Variants in ATP11C observed in about 807,000 individuals in gnomAD.
ATP11C encodes phospholipid-transporting ATPase IG.
A neutral mutation model predicts 97.4 loss-of-function variants in ATP11C; 36 were observed. The ratio of observed to expected loss-of-function variants is 0.37; its 90% CI spans 0.28 to 0.49. The LOEUF (loss-of-function observed/expected upper bound fraction) is 0.49. ATP11C is among the 20% of genes least tolerant of loss of function. ATP11C has a pLI of 0.98. For missense variants in ATP11C, 730 were observed against 824.6 expected (o/e 0.89, Z 1.40); for synonymous variants, 275 against 290.9 (o/e 0.95, Z 0.56).
Position 139,787,210 on chromosome X carries a change from A to T in ATP11C, c.1555T>A (p.Tyr519Asn), listed in dbSNP as rs776955107. 1.1e-5 allele frequency: 13 copies of T among 1,188,543 alleles called. No homozygotes were observed. Among genetic ancestry groups the T allele is most frequent in the South Asian group, 1.8e-5 (1 of 55,909 alleles). The change falls in exon 15 of 30, where the codon TAT (tyrosine) becomes AAT (asparagine). Residue 519 changes from tyrosine to asparagine, a missense_variant. Coordinates refer to ENST00000682941, the MANE Select transcript of ATP11C (RefSeq NM_001353812.2). Reference protein sequence around the residue: ...GFTFLGNRNGYMRVENQRKEI... With the variant: ...GFTFLGNRNGNMRVENQRKEI... Reference sequence around the variant, plus strand: ...TTTCTTTGGTTCTCTACTCTCATATATCCATTTCGATTTCCTAAAAATGTG... The same window carrying T: ...TTTCTTTGGTTCTCTACTCTCATATTTCCATTTCGATTTCCTAAAAATGTG...
At position 139,812,196 on chromosome X, in the gene ATP11C, T is replaced by G. The variant is rs536062690; in HGVS notation, c.426+2682A>C. ...GCCAAGCAATCTGCTATTTAGAGACTGCTGGCTAATAAGCATCTCTTCCCA... is the reference window on the plus strand; with the variant it reads ...GCCAAGCAATCTGCTATTTAGAGACGGCTGGCTAATAAGCATCTCTTCCCA... On this transcript the variant is annotated intron_variant, in intron 5 of 29. Coordinates refer to ENST00000682941, the MANE Select transcript of ATP11C (RefSeq NM_001353812.2). Among the ~76,000 whole-genome samples, 205 of 112,102 alleles carry G rather than the reference T, an allele frequency of 1.8e-3. No homozygotes were observed. In the South Asian group the frequency reaches 0.019, roughly 10 times the overall value.
At chrX:139,741,178 A>G in intron 26 of ATP11C, 84 bp from the exon 27 acceptor site, 2 of 563,270 alleles carry the variant, frequency 3.6e-6, no homozygotes, top group South Asian at 5.7e-5. Flanking sequence ...ACTAGTACAC[A>G]ATGATACCTA....
rs747502029 is a variant in ATP11C at position 139,932,187 on chromosome X, C to G, written c.-145G>C. ...CGGGCCACCCGCTCGCCGCCTGCCC[C>G]CCTCGGCTCTCCGCGCTCCCCCGCC... On this transcript the variant is annotated 5_prime_UTR_variant, in exon 1 of 30. Coordinates refer to ENST00000682941, the MANE Select transcript of ATP11C (RefSeq NM_001353812.2). The G allele has an allele frequency of 0.012, 4,473 of 378,944 alleles. 42 individuals are homozygous for G. Among genetic ancestry groups the G allele is most frequent in the Admixed American group, 0.052 (636 of 12,163 alleles). The allele number at this position is 378,944 out of a possible 1,213,427, so 31.2% of individuals were successfully genotyped here.
At position 139,840,215 on chromosome X, in the gene ATP11C, G is replaced by T. The variant is rs766969608; in HGVS notation, c.28-13392C>A. Among the ~76,000 whole-genome samples the T allele has an allele frequency of 2.7e-5, 3 of 112,513 alleles. No homozygotes were observed. In the South Asian group the frequency reaches 1.1e-3, roughly 41 times the overall value. On this transcript the variant is annotated intron_variant, in intron 1 of 29. Coordinates refer to ENST00000682941, the MANE Select transcript of ATP11C (RefSeq NM_001353812.2). ...AAATTTACTAAAAGAAATCCTGTGAGAAGTCCTTGACTTTGCAGAAACTGC... is the reference window on the plus strand; with the variant it reads ...AAATTTACTAAAAGAAATCCTGTGATAAGTCCTTGACTTTGCAGAAACTGC...
intron 23 of ATP11C, among the ~76,000 whole-genome samples, chrX:139,753,189 G>T (rs2081859058): frequency 9.0e-6 from 1 of 110,732 alleles, no homozygotes; most frequent in Non-Finnish European, 1.9e-5. Flanking sequence ...TCACCACATG[G>T]CACATACTCT....
At chrX:139,873,581 G>A (rs1240297463) in intron 1 of ATP11C, among the ~76,000 whole-genome samples, 1 of 107,610 alleles carries the variant, frequency 9.3e-6, no homozygotes, top group African/African-American at 3.4e-5. Flanking sequence ...GGTGGTGGGT[G>A]CCTGTAATAG....
chrX:139,779,093 T>A (rs2082403657), intron 18 of ATP11C, among the ~76,000 whole-genome samples: 1 of 111,335 alleles, frequency 9.0e-6, no homozygotes, highest in African/African-American at 3.3e-5. Context: ...GATAAAACAA[T>A]CATCCCTAGA....
Position 139,897,931 on chromosome X carries a change from CAA to C in ATP11C, c.27+34083_27+34084del, listed in dbSNP as rs376963849. The stretch of plus-strand genomic sequence containing the variant: ...TGGGCAACAGAGCAAAACCCTGTGT[CAA>C]AAAAAAAAAAAAAGCAGCAGCAGCC... On this transcript the variant is annotated intron_variant, in intron 1 of 29. Transcript: ENST00000682941. 4.6e-3 allele frequency among the ~76,000 whole-genome samples: 332 copies of C among 72,353 alleles called. 1 individual carries two copies. Among genetic ancestry groups the C allele is most frequent in the African/African-American group, 0.013 (259 of 19,321 alleles). 62.8% of individuals were successfully genotyped at this position (72,353 alleles called of 115,157 possible).
In ATP11C at chrX:139,738,106, T is replaced by C. The variant is rs1464135218; in HGVS notation, c.3135-37A>G. 4.6e-6 allele frequency: 5 copies of C among 1,083,153 alleles called. No individual in the cohort carries two copies. In the African/African-American group the frequency reaches 7.4e-5, roughly 16 times the overall value. 89.3% of individuals were successfully genotyped at this position (1,083,153 alleles called of 1,213,427 possible). On this transcript the variant is annotated intron_variant, in intron 27 of 29. Transcript: ENST00000682941. ...AGAAAATACATGATGGAAAAACAAA[T>C]CAATTCCTGTCATATGAAATGGACA...
At chrX:139,830,032 GAAGAAA>G (rs2083612107) in intron 1 of ATP11C, among the ~76,000 whole-genome samples, 2 of 111,668 alleles carry the variant, frequency 1.8e-5, no homozygotes, top group Admixed American at 9.5e-5. Flanking sequence ...GATAAGAACT[GAAGAAA>G]AACAGAGACC....
chrX:139,899,734 AT>A (rs1010151863), intron 1 of ATP11C, among the ~76,000 whole-genome samples: 4 of 111,323 alleles, frequency 3.6e-5, no homozygotes, highest in East Asian at 2.8e-4. Context: ...TAAAATAAAA[AT>A]TTTTTTTAAA....
chrX:139,822,409 T>C (rs187494735), intron 2 of ATP11C, among the ~76,000 whole-genome samples: 60 of 96,186 alleles, frequency 6.2e-4, no homozygotes, highest in Admixed American at 2.2e-3. Flanking sequence ...TTTTGTTTGT[T>C]TGTTTGTTTG....
At chrX:139,832,283 T>C (rs747632150) in intron 1 of ATP11C, 246 of 1,152,638 alleles carry the variant, frequency 2.1e-4, no homozygotes, top group Non-Finnish European at 2.8e-4. Flanking sequence ...CCTGTGATCC[T>C]TGTAAAGTTT....
At chrX:139,832,385 C>G in intron 1 of ATP11C, 2 of 916,826 alleles carry the variant, frequency 2.2e-6, no homozygotes, top group Non-Finnish European at 1.4e-6. Context: ...ACAGTCTATT[C>G]CTTAAGAGCT....
At chrX:139,909,380 G>A (rs887995290) in intron 1 of ATP11C, among the ~76,000 whole-genome samples, 2 of 111,077 alleles carry the variant, frequency 1.8e-5, no homozygotes, top group African/African-American at 3.3e-5. Flanking sequence ...TGATCCACCC[G>A]CCTCGGCTTC....
chrX:139,900,367 CAAA>C (rs34007097), intron 1 of ATP11C, among the ~76,000 whole-genome samples: 1 of 36,866 alleles, frequency 2.7e-5, no homozygotes, highest in Non-Finnish European at 4.8e-5. Flanking sequence ...GACTCCGTCT[CAAA>C]AAAAAAAAAA....
intron 1 of ATP11C, among the ~76,000 whole-genome samples, chrX:139,831,664 G>T (rs1027121261): frequency 6.3e-5 from 7 of 111,803 alleles, no homozygotes; most frequent in African/African-American, 2.3e-4. Flanking sequence ...ATTGCTAATA[G>T]AAAGTTGATG....
intron 27 of ATP11C, among the ~76,000 whole-genome samples, chrX:139,740,178 G>A (rs1451949732): frequency 9.0e-6 from 1 of 111,332 alleles, no homozygotes; most frequent in East Asian, 2.9e-4. Flanking sequence ...CATGCTCTCT[G>A]CTGCTGGCAT....
At chrX:139,768,653 T>C (rs1422986107) in intron 19 of ATP11C, among the ~76,000 whole-genome samples, 1 of 111,080 alleles carries the variant, frequency 9.0e-6, no homozygotes, top group Non-Finnish European at 1.9e-5. Flanking sequence ...AATAGATGAC[T>C]ACAAGTTCTA....
Sources: gnomAD v4.1 joint callset for allele counts (sites outside exome capture counted in the v4.1 genomes callset) on GRCh38, gnomAD v4.1.1 for gene constraint, MANE v1.5 for transcripts, NCBI Gene and HGNC (gene_info 2026-07-23, HGNC 2026-07-21) for gene names.